The following CXCL13 variants were observed in gnomAD, a reference collection of about 807,000 sequenced individuals.
CXCL13 encodes the protein C-X-C motif chemokine 13.
Under a neutral mutation model 12.2 loss-of-function variants are expected in CXCL13, and 7 were observed. The ratio of observed to expected loss-of-function variants is 0.57; its 90% CI spans 0.33 to 1.07. The LOEUF (loss-of-function observed/expected upper bound fraction) is 1.07. Among genes scored for constraint, CXCL13 ranks in the 50% least tolerant of loss-of-function variants. CXCL13 has a pLI of 0.04. For synonymous variants in CXCL13, 47 were observed against 42.4 expected, an observed-to-expected ratio of 1.11 and a Z score of -0.42; for missense variants, 113 against 127.4, an observed-to-expected ratio of 0.89 and a Z score of 0.55.
At position 77,555,871 on chromosome 4, in the gene CXCL13, A is replaced by T. The variant is rs369518442; in HGVS notation, c.-43+44083A>T. 9.8e-5 allele frequency among the ~76,000 whole-genome samples: 15 copies of T among 152,286 alleles called. No homozygotes were observed. The East Asian group carries it at 2.5e-3, about 25-fold the overall frequency. ...CAATATATGCATAGAAAGATGTTCA[A>T]CATTTTCAGCCATAAAGTTAAAGCC... On this transcript the variant is annotated intron_variant, in intron 1 of 4. Coordinates refer to the CXCL13 transcript ENST00000286758.
upstream of CXCL13, among the ~76,000 whole-genome samples, chr4:77,601,867 G>A (rs2109835625): frequency 6.6e-6 from 1 of 152,302 alleles, no homozygotes; most frequent in African/African-American, 2.4e-5. Flanking sequence ...AAGTGTTGGA[G>A]TCGGGATACA....
At chr4:77,561,239 G>A (rs954161533) in intron 1 of CXCL13, among the ~76,000 whole-genome samples, 11 of 152,076 alleles carry the variant, frequency 7.2e-5, no homozygotes, top group Admixed American at 2.0e-4. Flanking sequence ...GTTACCTGGA[G>A]GCCTGTTAGA....
chr4:77,578,109 T>G (rs372920068), intron 1 of CXCL13, among the ~76,000 whole-genome samples: 1 of 152,162 alleles, frequency 6.6e-6, no homozygotes, highest in Non-Finnish European at 1.5e-5. Flanking sequence ...AAGTCCTTTT[T>G]TACCAGTCAG....
chr4:77,599,543 T>G lies in CXCL13; in HGVS notation c.-42-6281T>G, dbSNP rs537600898. ...AGGCCGACTGTATTCATTTGGAACG[T>G]AAATTGGAGTACTTGGAGAAGATAT... On this transcript the variant is annotated intron_variant, in intron 1 of 4. Coordinates refer to the CXCL13 transcript ENST00000286758. 2.6e-5 allele frequency among the ~76,000 whole-genome samples: 4 copies of G among 152,302 alleles called. No individual in the cohort carries two copies. In the South Asian group the frequency reaches 8.3e-4, roughly 32 times the overall value.
chr4:77,584,323 C>T (rs1726402866), intron 1 of CXCL13, among the ~76,000 whole-genome samples: 1 of 152,224 alleles, frequency 6.6e-6, no homozygotes, highest in African/African-American at 2.4e-5. Context: ...ATTCCCCCAA[C>T]ATGCCCTAAG....
At chr4:77,551,557 C>T (rs921776855) in intron 1 of CXCL13, among the ~76,000 whole-genome samples, 1 of 150,804 alleles carries the variant, frequency 6.6e-6, no homozygotes, top group Admixed American at 6.6e-5. Flanking sequence ...TTAGTATTGA[C>T]CTTGGACAGT....
intron 1 of CXCL13, among the ~76,000 whole-genome samples, chr4:77,555,441 T>C (rs1053201103): frequency 6.6e-6 from 1 of 152,074 alleles, no homozygotes; most frequent in African/African-American, 2.4e-5. Context: ...TTTCATTAAA[T>C]AGTGCTTGAA....
intron 1 of CXCL13, among the ~76,000 whole-genome samples, chr4:77,569,504 T>C (rs982376426): frequency 6.6e-6 from 1 of 152,016 alleles, no homozygotes; most frequent in Non-Finnish European, 1.5e-5. Context: ...AGGAATGTAA[T>C]CCCATTCCCA....
chr4:77,545,111 TGTTTTGGTAATA>T lies in CXCL13; in HGVS notation c.-43+33326_-43+33337del, dbSNP rs546045845. On this transcript the variant is annotated intron_variant, in intron 1 of 4. Transcript: ENST00000286758. ...CTTCTGTTTCACTGGTCTATATCTC[TGTTTTGGTAATA>T]GTACTATGCTGTTTTGGTTACTGTA... 2.1e-3 allele frequency among the ~76,000 whole-genome samples: 320 copies of T among 152,310 alleles called. 2 individuals are homozygous for T. The highest frequency in any genetic ancestry group is 7.4e-3 in the African/African-American group (308 of 41,576).
chr4:77,585,539 G>A (rs1726435518), intron 1 of CXCL13, among the ~76,000 whole-genome samples: 1 of 152,202 alleles, frequency 6.6e-6, no homozygotes, highest in Admixed American at 6.5e-5. Flanking sequence ...TTGACCTGCT[G>A]ATGGGTGAAA....
intron 1 of CXCL13, among the ~76,000 whole-genome samples, chr4:77,564,846 C>T (rs551283788): frequency 1.3e-5 from 2 of 152,300 alleles, no homozygotes; most frequent in African/African-American, 4.8e-5. Context: ...AAGAGAAAGG[C>T]TGTGTCCCTG....
chr4:77,544,057 C>T (rs1725289165), intron 1 of CXCL13, among the ~76,000 whole-genome samples: 1 of 152,194 alleles, frequency 6.6e-6, no homozygotes, highest in African/African-American at 2.4e-5. Context: ...TCATCCATGT[C>T]CCTACAAAGG....
intron 1 of CXCL13, among the ~76,000 whole-genome samples, chr4:77,598,912 A>AT (rs1726829072): frequency 6.6e-6 from 1 of 151,560 alleles, no homozygotes; most frequent in Non-Finnish European, 1.5e-5. Flanking sequence ...AGTTCAAGTG[A>AT]TTTTTCCTGC....
At chr4:77,517,017 C>T (rs550787182) in intron 1 of CXCL13, among the ~76,000 whole-genome samples, 84 of 152,132 alleles carry the variant, frequency 5.5e-4, no homozygotes, top group African/African-American at 1.0e-3. Flanking sequence ...TCTTTGTTCT[C>T]GTTGGTTTCA....
At chr4:77,551,700 T>A (rs572400711) in intron 1 of CXCL13, among the ~76,000 whole-genome samples, 8 of 152,232 alleles carry the variant, frequency 5.3e-5, no homozygotes, top group African/African-American at 7.2e-5. Context: ...TTTTCTTTTT[T>A]TCCATTTCTC....
intron 1 of CXCL13, among the ~76,000 whole-genome samples, chr4:77,569,553 G>A (rs1211911849): frequency 6.6e-6 from 1 of 151,990 alleles, no homozygotes; most frequent in East Asian, 1.9e-4. Flanking sequence ...CAGTACCTAG[G>A]AATACAGCTA....
At chr4:77,602,002 A>G (rs557404159), upstream of CXCL13, among the ~76,000 whole-genome samples, 1 of 152,364 alleles carries the variant, frequency 6.6e-6, no homozygotes, top group South Asian at 2.1e-4. Flanking sequence ...AACATGTGTT[A>G]ACAGGATACA....
chr4:77,585,152 A>G (rs1413853427), intron 1 of CXCL13, among the ~76,000 whole-genome samples: 1 of 152,130 alleles, frequency 6.6e-6, no homozygotes, highest in Admixed American at 6.6e-5. Context: ...AGGCCACTGG[A>G]AACAGGCTTT....
At chr4:77,600,603 A>G (rs1481156845) in intron 1 of CXCL13, among the ~76,000 whole-genome samples, 1 of 152,244 alleles carries the variant, frequency 6.6e-6, no homozygotes, top group Non-Finnish European at 1.5e-5. Flanking sequence ...CAAGATGAGT[A>G]TTTTGCTAAT....
Sources: gnomAD v4.1 joint callset for allele counts (sites outside exome capture counted in the v4.1 genomes callset) on GRCh38, gnomAD v4.1.1 for gene constraint, MANE v1.5 for transcripts, NCBI Gene and HGNC (gene_info 2026-07-23, HGNC 2026-07-21) for gene names.